The following KCNK2 variants were observed in gnomAD, a reference collection of about 807,000 sequenced individuals.
The protein encoded by KCNK2 is potassium channel subfamily K member 2.
A neutral mutation model predicts 40.5 loss-of-function variants in KCNK2; 21 were observed. The observed-to-expected ratio is 0.52, with a 90% CI of 0.37 to 0.75. The LOEUF (loss-of-function observed/expected upper bound fraction) is 0.75, where lower values mean the gene tolerates loss of function less well. Among genes scored for constraint, KCNK2 ranks in the 30% least tolerant of loss-of-function variants. The probability of loss-of-function intolerance (pLI) is 0.00; values close to 1 mark genes in which losing one functional copy is unlikely to be tolerated. For synonymous variants in KCNK2, 191 were observed against 202.2 expected (o/e 0.94, Z 0.47); for missense variants, 399 against 531.6 (o/e 0.75, Z 2.45).
intron 1 of KCNK2, among the ~76,000 whole-genome samples, chr1:215,072,514 AT>A (rs1197665297): frequency 6.6e-6 from 1 of 152,296 alleles, no homozygotes; most frequent in Admixed American, 6.5e-5. Context: ...TCTAAAAACA[AT>A]TTGGATGTCA....
intron 2 of KCNK2, among the ~76,000 whole-genome samples, chr1:215,116,985 T>G (rs1039675900): frequency 5.9e-5 from 9 of 151,974 alleles, no homozygotes; most frequent in Non-Finnish European, 1.0e-4. Flanking sequence ...CAAATATATA[T>G]TTTTATAAAG....
At chr1:215,023,360 A>C (rs1342220137) in intron 1 of KCNK2, among the ~76,000 whole-genome samples, 2 of 152,176 alleles carry the variant, frequency 1.3e-5, no homozygotes, top group Non-Finnish European at 2.9e-5. Flanking sequence ...CATATAATCC[A>C]GCTGTGCATA....
At chr1:215,225,464 G>T (rs1666349661) in intron 6 of KCNK2, among the ~76,000 whole-genome samples, 1 of 152,122 alleles carries the variant, frequency 6.6e-6, no homozygotes, top group Non-Finnish European at 1.5e-5. Flanking sequence ...TTTATCAAAG[G>T]ATATGAAGAT....
chr1:215,028,363 C>T (rs897507113), intron 1 of KCNK2, among the ~76,000 whole-genome samples: 3 of 151,404 alleles, frequency 2.0e-5, no homozygotes, highest in Admixed American at 6.6e-5. Context: ...CCAGCCTGGG[C>T]GACAAGGGCA....
At chr1:215,100,448 G>A (rs1660159716) in intron 2 of KCNK2, among the ~76,000 whole-genome samples, 1 of 151,980 alleles carries the variant, frequency 6.6e-6, no homozygotes, top group Admixed American at 6.6e-5. Flanking sequence ...GTTTTATACA[G>A]CAGGATCTCA....
intron 6 of KCNK2, among the ~76,000 whole-genome samples, chr1:215,230,476 T>TAC (rs1251025571): frequency 7.2e-5 from 9 of 125,844 alleles, no homozygotes; most frequent in Non-Finnish European, 1.4e-4. Flanking sequence ...TAGATATATA[T>TAC]ATACACACAC....
chr1:215,098,305 T>A (rs1660068286), intron 2 of KCNK2, among the ~76,000 whole-genome samples: 1 of 151,938 alleles, frequency 6.6e-6, no homozygotes, highest in Non-Finnish European at 1.5e-5. Context: ...CTAGTGATAT[T>A]GGCATTGTTT....
chr1:215,016,350 A>T (rs748627898), intron 1 of KCNK2, among the ~76,000 whole-genome samples: 9 of 152,136 alleles, frequency 5.9e-5, no homozygotes, highest in Non-Finnish European at 1.2e-4. Flanking sequence ...CTGATTTCAA[A>T]ATCTACTATA....
At chr1:215,153,070 A>G (rs1362672478) in intron 3 of KCNK2, among the ~76,000 whole-genome samples, 3 of 152,216 alleles carry the variant, frequency 2.0e-5, no homozygotes, top group African/African-American at 7.2e-5. Context: ...TAAACAGTTT[A>G]ACTCTGTGAC....
chr1:215,230,507 G>GTATATATATATATATATATA lies in KCNK2; in HGVS notation c.964-4315_964-4296dup, dbSNP rs201898524. Among the ~76,000 whole-genome samples the GTATATATATATATATATATA allele has an allele frequency of 7.6e-5, 5 of 65,566 alleles. No homozygotes were observed. The South Asian group carries it at 9.9e-4, about 13-fold the overall frequency. 43.0% of individuals were successfully genotyped at this position (65,566 alleles called of 152,430 possible). On this transcript the variant is annotated intron_variant, in intron 6 of 6. Transcript: ENST00000444842. ...CACACACACACACACACACACGGCT[G>GTATATATATATATATATATA]TATATATATATATATATATATATAT...
At chr1:215,104,059 G>A (rs1196510331) in intron 2 of KCNK2, among the ~76,000 whole-genome samples, 1 of 152,008 alleles carries the variant, frequency 6.6e-6, no homozygotes, top group Non-Finnish European at 1.5e-5. Context: ...CTGAAAGGCA[G>A]GCAATTGTAA....
At chr1:215,083,708 A>G in intron 1 of KCNK2, 1 of 551,428 alleles carries the variant, frequency 1.8e-6, no homozygotes, top group Non-Finnish European at 3.3e-6. Context: ...ATGGAGAAGG[A>G]GGGTCAGCCC....
chr1:215,092,698 C>A (rs573038210), intron 2 of KCNK2, among the ~76,000 whole-genome samples: 2 of 152,250 alleles, frequency 1.3e-5, no homozygotes, highest in Non-Finnish European at 2.9e-5. Flanking sequence ...TTATATCTTG[C>A]TGGTCACATA....
chr1:215,121,189 TCAAA>T (rs1321176924), intron 2 of KCNK2, among the ~76,000 whole-genome samples: 5 of 152,224 alleles, frequency 3.3e-5, no homozygotes, highest in Admixed American at 6.5e-5. Context: ...AAAACCGAAA[TCAAA>T]CAAACAAACA....
intron 2 of KCNK2, among the ~76,000 whole-genome samples, chr1:215,099,368 T>G (rs1264688943): frequency 6.6e-6 from 1 of 151,994 alleles, no homozygotes; most frequent in Non-Finnish European, 1.5e-5. Context: ...GGCTGCATGG[T>G]ATTCATTGGA....
At position 215,138,543 on chromosome 1, in the gene KCNK2, A is replaced by C. The variant is rs553613839; in HGVS notation, c.475+13793A>C. Among the ~76,000 whole-genome samples the C allele has an allele frequency of 2.0e-5, 3 of 152,276 alleles. No homozygotes were observed. In the South Asian group the frequency reaches 6.2e-4, roughly 32 times the overall value. ...CGGGAGGCCAAGAATTGCTGAGTTC[A>C]GGAGTTTGAGACCAGCCTGGGCAAC... is the stretch of plus-strand genomic sequence containing the variant. On this transcript the variant is annotated intron_variant, in intron 3 of 6. Transcript: ENST00000444842.
intron 1 of KCNK2, among the ~76,000 whole-genome samples, chr1:215,051,457 A>G (rs1657987509): frequency 6.6e-6 from 1 of 152,182 alleles, no homozygotes; most frequent in Admixed American, 6.5e-5. Context: ...GGTGTACTAT[A>G]AAATTGTTTA....
At chr1:215,182,222 G>A (rs528475133) in intron 5 of KCNK2, among the ~76,000 whole-genome samples, 1 of 152,084 alleles carries the variant, frequency 6.6e-6, no homozygotes, top group African/African-American at 2.4e-5. Flanking sequence ...GAGCAGAGAG[G>A]GCCCCACTGC....
At chr1:215,174,242 T>G (rs1160051946) in intron 5 of KCNK2, among the ~76,000 whole-genome samples, 9 of 152,158 alleles carry the variant, frequency 5.9e-5, no homozygotes, top group Non-Finnish European at 1.2e-4. Context: ...TTTCCCCATT[T>G]CTTGTTTTTG....
Sources: allele counts gnomAD v4.1 joint callset (sites outside exome capture counted in the v4.1 genomes callset), GRCh38; gene constraint gnomAD v4.1.1; transcripts MANE v1.5; gene names NCBI Gene and HGNC (gene_info 2026-07-23, HGNC 2026-07-21).